CORIN: variants seen among roughly 807,000 people sequenced by gnomAD.
CORIN encodes corin, serine peptidase.
In CORIN, 117 loss-of-function variants were observed where a neutral mutation model predicts 125.3. The observed-to-expected ratio is 0.93, with a 90% CI of 0.80 to 1.09. The LOEUF is 1.09. Ranked by LOEUF, CORIN falls within the 50% of genes least tolerant of loss-of-function variation. The pLI is 0.00. For missense variants in CORIN, 1,253 were observed against 1,306.7 expected, an observed-to-expected ratio of 0.96 and a Z score of 0.63; for synonymous variants, 450 against 466.4, an observed-to-expected ratio of 0.96 and a Z score of 0.45.
intron 11 of CORIN, among the ~76,000 whole-genome samples, chr4:47,663,099 T>C (rs1183156536): frequency 6.6e-6 from 1 of 152,206 alleles, no homozygotes; most frequent in Non-Finnish European, 1.5e-5. Context: ...ATATAGTGCC[T>C]GACTCTACCA....
chr4:47,705,585 T>G (rs552549200), intron 5 of CORIN, among the ~76,000 whole-genome samples: 1 of 152,292 alleles, frequency 6.6e-6, no homozygotes, highest in South Asian at 2.1e-4. Flanking sequence ...TCAAAACTGA[T>G]TTCGACGTGG....
At chr4:47,795,663 G>A (rs931977898) in intron 2 of CORIN, among the ~76,000 whole-genome samples, 1 of 151,772 alleles carries the variant, frequency 6.6e-6, no homozygotes, top group African/African-American at 2.4e-5. Flanking sequence ...GAGGTTGAGT[G>A]GACCTAAAAA....
intron 1 of CORIN, among the ~76,000 whole-genome samples, chr4:47,810,145 TTTTTGG>T (rs1294780116): frequency 1.3e-5 from 2 of 151,932 alleles, no homozygotes; most frequent in African/African-American, 4.8e-5. Context: ...GTTGTTTTTA[TTTTTGG>T]TTTTGGTTTT....
chr4:47,824,406 C>T (rs532364583), intron 1 of CORIN, among the ~76,000 whole-genome samples: 20 of 152,226 alleles, frequency 1.3e-4, no homozygotes, highest in Non-Finnish European at 2.4e-4. Context: ...GACCAAGGCA[C>T]ACCCAGGTGA....
intron 5 of CORIN, among the ~76,000 whole-genome samples, chr4:47,693,885 G>T (rs969820791): frequency 3.3e-5 from 5 of 152,132 alleles, no homozygotes; most frequent in African/African-American, 1.2e-4. Flanking sequence ...CAACAAAGTG[G>T]ATGTTAAGAT....
chr4:47,678,601 T>C (rs1725128101), intron 8 of CORIN, among the ~76,000 whole-genome samples: 1 of 152,198 alleles, frequency 6.6e-6, no homozygotes, highest in Admixed American at 6.5e-5. Context: ...GCATAGTAAC[T>C]AACACATAAT....
chr4:47,601,677 A>G (rs1721453301), intron 20 of CORIN, among the ~76,000 whole-genome samples: 1 of 152,228 alleles, frequency 6.6e-6, no homozygotes, highest in Non-Finnish European at 1.5e-5. Context: ...AATATCAAGC[A>G]TAGTCTGCTC....
chr4:47,772,663 C>G (rs1001367242), intron 3 of CORIN, among the ~76,000 whole-genome samples: 2 of 152,274 alleles, frequency 1.3e-5, no homozygotes, highest in Non-Finnish European at 1.5e-5. Flanking sequence ...CTCTGTTTAT[C>G]AGTTTCCTCA....
intron 4 of CORIN, among the ~76,000 whole-genome samples, chr4:47,762,627 T>A (rs927790139): frequency 6.6e-6 from 1 of 152,138 alleles, no homozygotes; most frequent in African/African-American, 2.4e-5. Flanking sequence ...CCACCCAACA[T>A]CTATGTATGG....
At chr4:47,719,144 T>C (rs1053291108) in intron 5 of CORIN, among the ~76,000 whole-genome samples, 7 of 152,184 alleles carry the variant, frequency 4.6e-5, no homozygotes, top group African/African-American at 1.7e-4. Flanking sequence ...TTATTCTTTA[T>C]CATAAACTTT....
chr4:47,660,803 T>C (rs185275536), intron 12 of CORIN, among the ~76,000 whole-genome samples: 1 of 152,272 alleles, frequency 6.6e-6, no homozygotes, highest in African/African-American at 2.4e-5. Flanking sequence ...ACCTAATACA[T>C]GACCCAGCAA....
Position 47,765,026 on chromosome 4 carries a change from T to TA in CORIN, c.410-1441dup, listed in dbSNP as rs943208994. On this transcript the variant is annotated intron_variant, in intron 3 of 21. Coordinates refer to ENST00000273857, the MANE Select transcript of CORIN (RefSeq NM_006587.4). ...TAAAAATGCAAGATAGAAAACATCC[T>TA]AGGGGCCGGGTGCGGTGGCTCACTC... is the stretch of plus-strand genomic sequence containing the variant. 2.6e-4 allele frequency among the ~76,000 whole-genome samples: 40 copies of TA among 151,996 alleles called. 1 individual carries two copies. Among genetic ancestry groups the TA allele is most frequent in the Admixed American group, 2.6e-3 (39 of 15,248 alleles).
At chr4:47,690,808 T>A (rs886788583) in intron 6 of CORIN, among the ~76,000 whole-genome samples, 2 of 152,178 alleles carry the variant, frequency 1.3e-5, no homozygotes, top group African/African-American at 4.8e-5. Flanking sequence ...AAAAGGAGTA[T>A]GGCACCCTCC....
rs988938522 is a variant in CORIN, at chr4:47,783,020, G to C, written c.409+3705C>G. Among the ~76,000 whole-genome samples the C allele has an allele frequency of 1.9e-4, 29 of 152,036 alleles. No individual in the cohort carries two copies. The East Asian group carries it at 5.6e-3, about 29-fold the overall frequency. ...GATCCGGTTATCAAAGATGTGATAAGAGAACAGAACACTTTAAGCTTTCAG... is the reference window on the plus strand; with the variant it reads ...GATCCGGTTATCAAAGATGTGATAACAGAACAGAACACTTTAAGCTTTCAG... On this transcript the variant is annotated intron_variant, in intron 3 of 21. Coordinates refer to ENST00000273857, the MANE Select transcript of CORIN (RefSeq NM_006587.4).
intron 1 of CORIN, among the ~76,000 whole-genome samples, chr4:47,813,049 AC>A (rs1414989023): frequency 6.6e-6 from 1 of 152,154 alleles, no homozygotes; most frequent in Non-Finnish European, 1.5e-5. Flanking sequence ...ATCAGACACC[AC>A]CACCCCTCAT....
intron 10 of CORIN, among the ~76,000 whole-genome samples, chr4:47,671,726 A>G (rs1724768618): frequency 6.6e-6 from 1 of 151,536 alleles, no homozygotes; most frequent in Admixed American, 6.6e-5. Context: ...CTGGGACTAC[A>G]GGCGCCCGCC....
chr4:47,720,946 A>C (rs1333619034), intron 5 of CORIN, among the ~76,000 whole-genome samples: 1 of 152,170 alleles, frequency 6.6e-6, no homozygotes, highest in Non-Finnish European at 1.5e-5. Context: ...CAAATCACTT[A>C]ATCTCCCTAT....
intron 20 of CORIN, among the ~76,000 whole-genome samples, chr4:47,601,987 T>C (rs912810904): frequency 3.9e-5 from 6 of 152,026 alleles, no homozygotes; most frequent in Non-Finnish European, 7.4e-5. Context: ...TTATACTTGA[T>C]ATGGACAGAG....
At chr4:47,793,282 G>T (rs1303858790) in intron 2 of CORIN, among the ~76,000 whole-genome samples, 1 of 152,130 alleles carries the variant, frequency 6.6e-6, no homozygotes, top group Non-Finnish European at 1.5e-5. Flanking sequence ...CCTAGCACCA[G>T]TGTAGGGCTC....
Sources: allele counts gnomAD v4.1 joint callset (sites outside exome capture counted in the v4.1 genomes callset), GRCh38; gene constraint gnomAD v4.1.1; transcripts MANE v1.5; gene names NCBI Gene and HGNC (gene_info 2026-07-23, HGNC 2026-07-21).